The following NAV2 variants were observed in gnomAD, a reference collection of about 807,000 sequenced individuals.
NAV2 encodes neuron navigator 2, also known as helicase, APC down-regulated 1.
A neutral mutation model predicts 223.2 loss-of-function variants in NAV2; 54 were observed. That is an observed-to-expected ratio of 0.24 (90% CI 0.19 to 0.30). The LOEUF (loss-of-function observed/expected upper bound fraction) is 0.30, where lower values mean the gene tolerates loss of function less well. NAV2 is among the 10% of genes least tolerant of loss of function. The probability of loss-of-function intolerance (pLI) is 1.00; values close to 1 mark genes in which losing one functional copy is unlikely to be tolerated. For missense variants in NAV2, 2,806 were observed against 3,147.5 expected, an observed-to-expected ratio of 0.89 and a Z score of 2.60; for synonymous variants, 1,279 against 1,239.3, an observed-to-expected ratio of 1.03 and a Z score of -0.67.
chr11:19,975,221 A>G (rs1177014012), intron 10 of NAV2, among the ~76,000 whole-genome samples: 11 of 152,236 alleles, frequency 7.2e-5, no homozygotes, highest in Admixed American at 7.2e-4. Flanking sequence ...AGTTTCAGAC[A>G]CAGGAACTGT....
At chr11:19,584,868 G>A (rs2045842707) in intron 1 of NAV2, among the ~76,000 whole-genome samples, 1 of 152,214 alleles carries the variant, frequency 6.6e-6, no homozygotes, top group African/African-American at 2.4e-5. Context: ...GATTTGGGGT[G>A]GAGAGTTCTG....
rs373532400 is a variant in NAV2 at position 20,044,142 on chromosome 11, G to T, written c.3069G>T (p.Thr1023=). The change falls in exon 13 of 38, where the codon ACG becomes ACT. Residue 1023 remains threonine, a synonymous_variant. Coordinates refer to ENST00000349880, the MANE Select transcript of NAV2 (RefSeq NM_145117.5). ...SDVSDESDKS[T]SGKKNPVISQ... is the part of the protein sequence containing the mutation. ...TGTCTGACGAGTCCGACAAAAGCACGTCGGGCAAGAAGAATCCTGTCATCT... is the reference window on the plus strand; with the variant it reads ...TGTCTGACGAGTCCGACAAAAGCACTTCGGGCAAGAAGAATCCTGTCATCT... 3.1e-6 allele frequency: 5 copies of T among 1,614,068 alleles called. No homozygotes were observed. In the Admixed American group the frequency reaches 6.7e-5, roughly 22 times the overall value.
chr11:20,068,282 T>C (rs751675390), intron 21 of NAV2, 42 bp from the exon 22 acceptor site: 14 of 1,611,216 alleles, frequency 8.7e-6, no homozygotes, highest in Admixed American at 6.7e-5. Flanking sequence ...ACCTTGGAAA[T>C]GGACCCCCAA....
At chr11:20,033,493 A>T (rs1334249784) in intron 11 of NAV2, among the ~76,000 whole-genome samples, 1 of 152,166 alleles carries the variant, frequency 6.6e-6, no homozygotes, top group African/African-American at 2.4e-5. Flanking sequence ...TTGGAACAGG[A>T]TGGAGGGCTG....
chr11:19,825,920 C>T (rs892518760), intron 1 of NAV2, among the ~76,000 whole-genome samples: 10 of 152,158 alleles, frequency 6.6e-5, no homozygotes, highest in South Asian at 4.1e-4. Context: ...GTTTAGCTGT[C>T]TTAGCTTTCC....
intron 1 of NAV2, among the ~76,000 whole-genome samples, chr11:19,696,089 C>T (rs1448310692): frequency 1.3e-5 from 2 of 151,878 alleles, no homozygotes; most frequent in Non-Finnish European, 2.9e-5. Flanking sequence ...GAATCATGCC[C>T]CCATAACCTT....
chr11:19,538,433 T>C (rs11604249), intron 1 of NAV2, among the ~76,000 whole-genome samples: 17,914 of 152,052 alleles, frequency 0.12, 1,193 homozygotes, highest in African/African-American at 0.17. Flanking sequence ...CTGGACCTCG[T>C]AGGTTCACGC....
chr11:19,799,655 C>G (rs1321999620), intron 1 of NAV2, among the ~76,000 whole-genome samples: 1 of 152,106 alleles, frequency 6.6e-6, no homozygotes, highest in African/African-American at 2.4e-5. Context: ...CTGTCACCTG[C>G]CCCTGCCAGG....
At chr11:19,866,561 C>A (rs1004873907) in intron 3 of NAV2, among the ~76,000 whole-genome samples, 1 of 152,156 alleles carries the variant, frequency 6.6e-6, no homozygotes, top group African/African-American at 2.4e-5. Context: ...GCTAGCCTTG[C>A]AAACAGACAC....
Position 19,991,026 on chromosome 11 carries a change from G to A in NAV2, c.2768+6779G>A, listed in dbSNP as rs564445029. On this transcript the variant is annotated intron_variant, in intron 11 of 37. Transcript: ENST00000349880. ...TTAGGTTTTTGTCTCTGAAATGAGGGCAGTATTCATACCTGTCTCACAGGA... is the reference window on the plus strand; with the variant it reads ...TTAGGTTTTTGTCTCTGAAATGAGGACAGTATTCATACCTGTCTCACAGGA... Among the ~76,000 whole-genome samples, 14 of 152,326 alleles carry A rather than the reference G, an allele frequency of 9.2e-5. 1 individual carries two copies. The South Asian group carries it at 1.4e-3, about 16-fold the overall frequency.
At position 20,105,531 on chromosome 11, in the gene NAV2, A is replaced by T; in HGVS notation, c.6645A>T (p.Arg2215Ser). 1 of 1,611,254 alleles carries T rather than the reference A, an allele frequency of 6.2e-7. No homozygotes were observed. Among genetic ancestry groups the T allele is most frequent in the Non-Finnish European group, 8.5e-7 (1 of 1,178,124 alleles). ...GAAAAGTGTTTCTGACTTCCTCCAG[A>T]TGGGTGCTTTGTGCCAACCACACGG... ...TPNLQLHHNF[R>S]WVLCANHTEP... The change falls in exon 35 of 38, where the codon AGA (arginine) becomes AGT (serine). Residue 2215 changes from arginine to serine, a missense_variant and splice_region_variant. By Grantham distance (110) the Arg-to-Ser change is moderately radical. This residue lies in a region of NAV2 where 824 missense variants were observed against 1,069.4 expected (regional missense o/e 0.77). Coordinates refer to ENST00000349880, the MANE Select transcript of NAV2 (RefSeq NM_145117.5).
intron 7 of NAV2, among the ~76,000 whole-genome samples, 163 bp from the exon 8 acceptor site, chr11:19,939,498 C>T (rs2046217096): frequency 6.6e-6 from 1 of 152,172 alleles, no homozygotes; most frequent in East Asian, 1.9e-4. Flanking sequence ...GACATTGCTC[C>T]ACATACGGCT....
chr11:19,939,771 C>G lies in NAV2; in HGVS notation c.2144C>G (p.Thr715Ser). The G allele has an allele frequency of 6.2e-7, 1 of 1,612,712 alleles. No homozygotes were observed. Among genetic ancestry groups the G allele is most frequent in the Non-Finnish European group, 8.5e-7 (1 of 1,178,844 alleles). ...KTGQPALEELTGEDPEARRLR... is the reference protein window; with the variant it reads ...KTGQPALEELSGEDPEARRLR... ...GGACAGCCTGCTCTGGAAGAACTCACTGGTGAGTATGGAGCCTCAGAAATC... is the reference window on the plus strand; with the variant it reads ...GGACAGCCTGCTCTGGAAGAACTCAGTGGTGAGTATGGAGCCTCAGAAATC... The change falls in exon 8 of 38, where the codon ACT becomes AGT. Residue 715 changes from threonine to serine, a missense_variant and splice_region_variant. Thr to Ser is a moderately conservative substitution (Grantham distance 58). Around this residue, in one of 4 missense-constraint regions of NAV2, gnomAD observed 1,167 missense variants for 1,180.5 expected, o/e 0.99. Coordinates refer to ENST00000349880, the MANE Select transcript of NAV2 (RefSeq NM_145117.5).
chr11:19,845,648 A>G (rs1815068902), intron 3 of NAV2, among the ~76,000 whole-genome samples: 1 of 152,138 alleles, frequency 6.6e-6, no homozygotes, highest in Non-Finnish European at 1.5e-5. Context: ...TTGTAGGAGG[A>G]GCAAGCCCTG....
chr11:19,621,623 G>A (rs1013864107), intron 1 of NAV2, among the ~76,000 whole-genome samples: 2 of 151,990 alleles, frequency 1.3e-5, no homozygotes, highest in Admixed American at 6.6e-5. Flanking sequence ...ATTTTTTATT[G>A]CGTCTATTTG....
At chr11:19,512,950 T>C in intron 1 of NAV2, among the ~76,000 whole-genome samples, 1 of 152,178 alleles carries the variant, frequency 6.6e-6, no homozygotes, top group East Asian at 1.9e-4. Context: ...TCTTGAGATA[T>C]GTGAGAACTT....
At chr11:19,825,621 T>C (rs1185938507) in intron 1 of NAV2, among the ~76,000 whole-genome samples, 16 of 152,246 alleles carry the variant, frequency 1.1e-4, no homozygotes, top group Admixed American at 9.2e-4. Context: ...TGCAGTTGTT[T>C]TGCAGAATTT....
At chr11:19,384,020 G>A (rs1200192635) in intron 1 of NAV2, among the ~76,000 whole-genome samples, 2 of 152,150 alleles carry the variant, frequency 1.3e-5, no homozygotes, top group Non-Finnish European at 2.9e-5. Flanking sequence ...ATAAACCATG[G>A]TGCATCTATT....
intron 1 of NAV2, among the ~76,000 whole-genome samples, chr11:19,353,294 T>C (rs550475805): frequency 6.6e-6 from 1 of 152,298 alleles, no homozygotes; most frequent in African/African-American, 2.4e-5. Context: ...TTTCCCAATG[T>C]CCCAAGAGGA....
Sources: allele counts gnomAD v4.1 joint callset (sites outside exome capture counted in the v4.1 genomes callset), GRCh38; gene constraint gnomAD v4.1.1; regional missense constraint gnomAD v4.1.1; transcripts MANE v1.5; gene names NCBI Gene and HGNC (gene_info 2026-07-23, HGNC 2026-07-21).